Variants in SIPA1 observed in about 807,000 individuals in gnomAD.
The protein encoded by SIPA1 is signal-induced proliferation-associated 1.
Under a neutral mutation model 88.1 loss-of-function variants are expected in SIPA1, and 51 were observed. The observed-to-expected ratio is 0.58, with a 90% CI of 0.46 to 0.73. The LOEUF is 0.73. SIPA1 is among the 30% of genes least tolerant of loss of function. The pLI, the probability that SIPA1 is intolerant of heterozygous loss-of-function variation, is 0.00. For synonymous variants in SIPA1, 681 were observed against 664.8 expected, an observed-to-expected ratio of 1.02 and a Z score of -0.37; for missense variants, 1,348 against 1,467.6, an observed-to-expected ratio of 0.92 and a Z score of 1.33.
At position 65,650,554 on chromosome 11, in the gene SIPA1, T is replaced by C; in HGVS notation, c.2983-15T>C. 1 of 1,608,848 alleles carries C rather than the reference T, an allele frequency of 6.2e-7. No homozygotes were observed. The highest frequency in any genetic ancestry group is 8.5e-7 in the Non-Finnish European group (1 of 1,177,174). On this transcript the variant is annotated splice_polypyrimidine_tract_variant and intron_variant, in intron 15 of 15. Transcript: ENST00000534313. ...GGGGCTGGCGGCTCTGACTCCTGTC[T>C]CCCCGGCACCCCAGGAGAAGGCGGA...
chr11:65,650,825 C>G lies in SIPA1; in HGVS notation c.*110C>G. 1 of 1,248,222 alleles carries G rather than the reference C, an allele frequency of 8.0e-7. No homozygotes were observed. The highest frequency in any genetic ancestry group is 1.1e-6 in the Non-Finnish European group (1 of 931,198). The allele number at this position is 1,248,222 out of a possible 1,614,324, so 77.3% of individuals were successfully genotyped here. ...TTAGCACTGCCCCCCTCCCTAGCCC[C>G]TTATTTGGTGGCGGAAGTGGCCTCC... On this transcript the variant is annotated 3_prime_UTR_variant, in exon 16 of 16. Transcript: ENST00000534313.
Position 65,650,624 on chromosome 11 carries a change from A to T in SIPA1, c.3038A>T (p.Asn1013Ile). The change falls in exon 16 of 16, where the codon AAC becomes ATC. Residue 1013 changes from asparagine (N) to isoleucine (I), a missense_variant. Physicochemically the swap from Asn to Ile is moderately radical, Grantham distance 149. Around this residue, in one of 4 missense-constraint regions of SIPA1, gnomAD observed 615 missense variants for 559.8 expected, o/e 1.10. Transcript: ENST00000534313. Reference protein sequence around the residue: ...EEEVRSLRHNNRRLQAESESA... With the variant: ...EEEVRSLRHNIRRLQAESESA... Reference sequence around the variant, plus strand: ...GAGGTGCGGAGCCTGAGACACAACAACCGGCGGCTGCAGGCGGAGTCTGAG... The same window carrying T: ...GAGGTGCGGAGCCTGAGACACAACATCCGGCGGCTGCAGGCGGAGTCTGAG... 3.8e-6 allele frequency: 6 copies of T among 1,577,288 alleles called. No homozygotes were observed. The highest frequency in any genetic ancestry group is 5.2e-6 in the Non-Finnish European group (6 of 1,161,386).
intron 4 of SIPA1, among the ~76,000 whole-genome samples, chr11:65,643,175 A>C (rs1454682268): frequency 6.6e-6 from 1 of 152,170 alleles, no homozygotes; most frequent in East Asian, 1.9e-4. Context: ...TCGGCCTCCC[A>C]AAGTGCTGGG....
In SIPA1 at chr11:65,642,238, G is replaced by A; in HGVS notation, c.680-12G>A. On this transcript the variant is annotated splice_polypyrimidine_tract_variant and intron_variant, in intron 2 of 15. Coordinates refer to ENST00000534313, the MANE Select transcript of SIPA1 (RefSeq NM_006747.4). The surrounding 1 kb of genome is among the most constrained non-coding windows in gnomAD (Gnocchi z 6.5). ...GGCGGGACCAATCGTTTTCTTCGGC[G>A]CGGTCCCCCAGAACATCAGAACTTC... 1 of 1,550,172 alleles carries A rather than the reference G, an allele frequency of 6.5e-7. No homozygotes were observed. The highest frequency in any genetic ancestry group is 2.4e-5 in the East Asian group (1 of 41,168).
chr11:65,650,701 G>T lies in SIPA1; in HGVS notation c.3115G>T (p.Ala1039Ser), dbSNP rs373589773. Reference sequence around the variant, plus strand: ...CTCCAAGCAGCTGGGCTCACCCACCGCCGACCTGGCCTGAGCCGTCTGGAA... The same window carrying T: ...CTCCAAGCAGCTGGGCTCACCCACCTCCGACCTGGCCTGAGCCGTCTGGAA... ...LASKQLGSPT[A>S]DLA The change falls in exon 16 of 16, where the codon GCC (alanine) becomes TCC (serine). Residue 1039 changes from alanine (A) to serine (S), a missense_variant. Physicochemically the swap from Ala to Ser is moderately conservative, Grantham distance 99. Transcript: ENST00000534313. 2.5e-6 allele frequency: 4 copies of T among 1,578,584 alleles called. No homozygotes were observed. Among genetic ancestry groups the T allele is most frequent in the Non-Finnish European group, 3.4e-6 (4 of 1,162,362 alleles).
chr11:65,643,032 C>T (rs565524712), intron 4 of SIPA1, among the ~76,000 whole-genome samples: 35 of 152,232 alleles, frequency 2.3e-4, no homozygotes, highest in African/African-American at 8.4e-4. Flanking sequence ...TCTCCTGCCT[C>T]AGCCTCCTGA....
chr11:65,643,542 C>T lies in SIPA1; in HGVS notation c.984+903C>T, dbSNP rs141036626. On this transcript the variant is annotated intron_variant, in intron 4 of 15. Transcript: ENST00000534313. The stretch of plus-strand genomic sequence containing the variant: ...CCAGGTGCTTTGCTTGAGTAGCTCA[C>T]AGCTGGGTGGGAGAAAGAGACCCAC... Among the ~76,000 whole-genome samples the T allele has an allele frequency of 2.2e-3, 341 of 152,302 alleles. 1 individual carries two copies. Among genetic ancestry groups the T allele is most frequent in the African/African-American group, 7.9e-3 (329 of 41,570 alleles).
In SIPA1 at chr11:65,649,289, G is replaced by C. The variant is rs1391530948; in HGVS notation, c.2334G>C (p.Ser778=). 6.5e-7 allele frequency: 1 copy of C among 1,548,768 alleles called. No homozygotes were observed. The highest frequency in any genetic ancestry group is 2.4e-5 in the East Asian group (1 of 41,312). ...RRSFSELYTL[S]LQEPSRRGAP... ...GTTTTTCGGAGCTGTACACGCTGTC[G>C]CTGCAGGAGCCTAGCCGGCGGGGGG... The change falls in exon 10 of 16, where the codon TCG becomes TCC. Residue 778 remains serine, a synonymous_variant. Coordinates refer to ENST00000534313, the MANE Select transcript of SIPA1 (RefSeq NM_006747.4).
chr11:65,649,792 G>C lies in SIPA1; in HGVS notation c.2673G>C (p.Lys891Asn). ...GCAGTCCCAGTGGCTCTGAGGACAA[G>C]GGCAACCCGGCGCCGGAGCTGAGGG... is the stretch of plus-strand genomic sequence containing the variant. ...RPGSPSGSEDKGNPAPELRAS... is the reference protein window; with the variant it reads ...RPGSPSGSEDNGNPAPELRAS... The change falls in exon 12 of 16, where the codon AAG becomes AAC. Residue 891 changes from lysine (K) to asparagine (N), a missense_variant. Lys to Asn is a moderately conservative substitution (Grantham distance 94). This residue lies in a region of SIPA1 where 615 missense variants were observed against 559.8 expected (regional missense o/e 1.10). Coordinates refer to ENST00000534313, the MANE Select transcript of SIPA1 (RefSeq NM_006747.4). 1 of 1,614,064 alleles carries C rather than the reference G, an allele frequency of 6.2e-7. No homozygotes were observed. Among genetic ancestry groups the C allele is most frequent in the Non-Finnish European group, 8.5e-7 (1 of 1,180,038 alleles).
Position 65,640,745 on chromosome 11 carries a change from C to T in SIPA1, c.-91-86C>T, listed in dbSNP as rs547191384. The T allele has an allele frequency of 4.9e-5, 26 of 534,256 alleles. No individual in the cohort carries two copies. The East Asian group carries it at 8.3e-4, about 17-fold the overall frequency. The allele number at this position is 534,256 out of a possible 1,614,324, so 33.1% of individuals were successfully genotyped here. On this transcript the variant is annotated intron_variant, in intron 1 of 15. Transcript: ENST00000534313. ...TGATGGTCTCGGAGGGGGCCGGAAGCCAACACGGGTGGTGGAGGACCAGGC... is the reference window on the plus strand; with the variant it reads ...TGATGGTCTCGGAGGGGGCCGGAAGTCAACACGGGTGGTGGAGGACCAGGC...
rs1356058290 is a variant in SIPA1 at position 65,646,446 on chromosome 11, C to T, written c.1422-10C>T. 1 of 1,589,852 alleles carries T rather than the reference C, an allele frequency of 6.3e-7. No individual in the cohort carries two copies. Among genetic ancestry groups the T allele is most frequent in the Admixed American group, 1.7e-5 (1 of 59,224 alleles). ...CCTGCCGCCCCTCACTAACGCCTCCCTCCCCGCAGGGTGGCCGTGAGCCGC... is the reference window on the plus strand; with the variant it reads ...CCTGCCGCCCCTCACTAACGCCTCCTTCCCCGCAGGGTGGCCGTGAGCCGC... On this transcript the variant is annotated splice_polypyrimidine_tract_variant and intron_variant, in intron 7 of 15. Coordinates refer to ENST00000534313, the MANE Select transcript of SIPA1 (RefSeq NM_006747.4). The surrounding 1 kb of genome is among the most constrained non-coding windows in gnomAD (Gnocchi z 7.5).
Position 65,647,045 on chromosome 11 carries a change from G to A in SIPA1, c.2011G>A (p.Glu671Lys). Residue 671 changes from glutamate to lysine, a missense_variant, in exon 8 of 16, where the codon GAG becomes AAG. By Grantham distance (56) the Glu-to-Lys change is moderately conservative. Coordinates refer to ENST00000534313, the MANE Select transcript of SIPA1 (RefSeq NM_006747.4). ...FDGSPGQAVG[E>K]VVARLQLVSR... ...CGGGTCCCCCGGCCAAGCCGTGGGC[G>A]AGGTGGTGGCGCGCCTGCAGGTGAG... 1 of 1,544,268 alleles carries A rather than the reference G, an allele frequency of 6.5e-7. No individual in the cohort carries two copies. The highest frequency in any genetic ancestry group is 8.7e-7 in the Non-Finnish European group (1 of 1,151,384).
In SIPA1 at chr11:65,646,599, G is replaced by C. The variant is rs763953944; in HGVS notation, c.1565G>C (p.Arg522Pro). ...LNGEQAAGHA[R>P]QFHAMATRTR... ...GGTGAGCAGGCGGCCGGCCACGCGC[G>C]CCAGTTCCACGCCATGGCCACGCGC... Residue 522 changes from arginine to proline, a missense_variant, in exon 8 of 16, where the codon CGC (arginine) becomes CCC (proline). Coordinates refer to ENST00000534313, the MANE Select transcript of SIPA1 (RefSeq NM_006747.4). This position sits in a 1 kb window ranked among gnomAD's most constrained non-coding sequence, Gnocchi z 7.5. The C allele has an allele frequency of 1.9e-6, 3 of 1,544,620 alleles. No individual in the cohort carries two copies. Among genetic ancestry groups the C allele is most frequent in the Non-Finnish European group, 2.6e-6 (3 of 1,150,028 alleles).
Position 65,644,963 on chromosome 11 carries a change from C to T in SIPA1, c.993C>T (p.Phe331=). The T allele has an allele frequency of 6.2e-7, 1 of 1,612,702 alleles. No individual in the cohort carries two copies. Among genetic ancestry groups the T allele is most frequent in the Non-Finnish European group, 8.5e-7 (1 of 1,179,068 alleles). ...CTGTCTCCCACCCACAGCTGAGCTTCCAACGCAAGGTGGGCATCCTGTACT... is the reference window on the plus strand; with the variant it reads ...CTGTCTCCCACCCACAGCTGAGCTTTCAACGCAAGGTGGGCATCCTGTACT... The part of the protein sequence containing the change: ...LLTLDEQVLS[F]QRKVGILYCR... Residue 331 remains phenylalanine, a synonymous_variant, in exon 5 of 16, where the codon TTC becomes TTT. Transcript: ENST00000534313.
chr11:65,649,563 C>T lies in SIPA1; in HGVS notation c.2528C>T (p.Ser843Phe), dbSNP rs746280294. ...HSQNSLSPRS[S>F]LSDEAPVLPN... ...TGAGCCACCCCTGCTCTCCCCAGCTCTCTGTCGGATGAGGCCCCAGTCCTG... is the reference window on the plus strand; with the variant it reads ...TGAGCCACCCCTGCTCTCCCCAGCTTTCTGTCGGATGAGGCCCCAGTCCTG... The change falls in exon 11 of 16, where the codon TCT becomes TTT. Residue 843 changes from serine (S) to phenylalanine (F), a missense_variant and splice_region_variant. Physicochemically the swap from Ser to Phe is radical, Grantham distance 155. Around this residue, in one of 4 missense-constraint regions of SIPA1, gnomAD observed 615 missense variants for 559.8 expected, o/e 1.10. Transcript: ENST00000534313. 8.1e-6 allele frequency: 13 copies of T among 1,614,016 alleles called. No individual in the cohort carries two copies. The East Asian group carries it at 2.7e-4, about 33-fold the overall frequency.
chr11:65,640,949 A>C lies in SIPA1; in HGVS notation c.28A>C (p.Ser10Arg). The change falls in exon 2 of 16, where the codon AGC becomes CGC. Residue 10 changes from serine (S) to arginine (R), a missense_variant. Physicochemically the swap from Ser to Arg is moderately radical, Grantham distance 110. This residue lies in a region of SIPA1 where 641 missense variants were observed against 797.7 expected (regional missense o/e 0.80). Transcript: ENST00000534313. ...GCCCATGTGGGCCGGCGGTGTGGGG[A>C]GCCCTCGGCGGGGCATGGCCCCTGC... MPMWAGGVG[S>R]PRRGMAPAST... is the part of the protein sequence containing the mutation. 6.5e-7 allele frequency: 1 copy of C among 1,541,392 alleles called. No individual in the cohort carries two copies. The highest frequency in any genetic ancestry group is 8.7e-7 in the Non-Finnish European group (1 of 1,152,802).
chr11:65,649,831 A>G lies in SIPA1; in HGVS notation c.2712A>G (p.Pro904=). 8 of 1,614,082 alleles carry G rather than the reference A, an allele frequency of 5.0e-6. No individual in the cohort carries two copies. The highest frequency in any genetic ancestry group is 1.1e-5 in the South Asian group (1 of 91,084). ...CGGAGCTGAGGGCCTCCTTTCTGCC[A>G]CGTACCTTGTCTCTGCGGAACTCCA... ...PAPELRASFL[P]RTLSLRNSIS... is the part of the protein sequence containing the mutation. Residue 904 remains proline (P), a synonymous_variant, in exon 12 of 16, where the codon CCA becomes CCG. Coordinates refer to ENST00000534313, the MANE Select transcript of SIPA1 (RefSeq NM_006747.4).
chr11:65,649,312 G>T lies in SIPA1; in HGVS notation c.2357G>T (p.Gly786Val). Residue 786 changes from glycine to valine, a missense_variant, in exon 10 of 16, where the codon GGG becomes GTG. Gly to Val is a moderately radical substitution (Grantham distance 109). Transcript: ENST00000534313. ...TCGCTGCAGGAGCCTAGCCGGCGGG[G>T]GGCCCCAGATCCTGTGCAGGATGAG... Reference protein sequence around the residue: ...TLSLQEPSRRGAPDPVQDEVQ... With the variant: ...TLSLQEPSRRVAPDPVQDEVQ... 1 of 1,556,400 alleles carries T rather than the reference G, an allele frequency of 6.4e-7. No homozygotes were observed. Among genetic ancestry groups the T allele is most frequent in the African/African-American group, 1.4e-5 (1 of 73,528 alleles).
Position 65,646,790 on chromosome 11 carries a change from C to A in SIPA1, c.1756C>A (p.Arg586Ser). Residue 586 changes from arginine (R) to serine (S), a missense_variant, in exon 8 of 16, where the codon CGC (arginine) becomes AGC (serine). Transcript: ENST00000534313. The surrounding 1 kb of genome is among the most constrained non-coding windows in gnomAD (Gnocchi z 7.5). ...AGCGGGCTCACTGGTGTGGGGAGTG[C>A]GCGCGGCGCCCGGGGCGCGGGTCGC... ...QAAGSLVWGV[R>S]AAPGARVAAG... 7.6e-7 allele frequency: 1 copy of A among 1,311,244 alleles called. No homozygotes were observed. Among genetic ancestry groups the A allele is most frequent in the Non-Finnish European group, 9.7e-7 (1 of 1,033,750 alleles). The allele number at this position is 1,311,244 out of a possible 1,614,324, so 81.2% of individuals were successfully genotyped here. A position where few individuals can be genotyped will look rare whatever the true frequency, so the allele number is the denominator to read the frequency against.
Sources: gnomAD v4.1 joint callset for allele counts (sites outside exome capture counted in the v4.1 genomes callset) on GRCh38, gnomAD v4.1.1 for gene constraint, gnomAD v4.1.1 regional missense constraint, Gnocchi (gnomAD v3.1) non-coding constraint, MANE v1.5 for transcripts, NCBI Gene and HGNC (gene_info 2026-07-23, HGNC 2026-07-21) for gene names.